Variants in TLCD4 observed in about 807,000 individuals in gnomAD.
The protein encoded by TLCD4 is TLC domain-containing protein 4.
TLCD4 carries 7 observed loss-of-function variants against 24.2 expected under a neutral mutation model. That is an observed-to-expected ratio of 0.29 (90% CI 0.16 to 0.54). The LOEUF is 0.54. Among genes scored for constraint, TLCD4 ranks in the 20% least tolerant of loss-of-function variants. TLCD4 has a pLI of 0.95. For synonymous variants in TLCD4, 103 were observed against 106.4 expected (o/e 0.97, Z 0.20); for missense variants, 259 against 313.9 (o/e 0.82, Z 1.32).
chr1:95,166,336 G>A (rs1678017325), intron 5 of TLCD4, among the ~76,000 whole-genome samples: 1 of 152,130 alleles, frequency 6.6e-6, no homozygotes, highest in Admixed American at 6.5e-5. Context: ...AGTTTAGGTT[G>A]GATGAAATAT....
chr1:95,095,026 C>G, the TLCD4 span, among the ~76,000 whole-genome samples: 1 of 152,154 alleles, frequency 6.6e-6, no homozygotes, highest in African/African-American at 2.4e-5. Context: ...TTATTTGTGC[C>G]TGTATTTCTT....
chr1:95,095,450 T>G, the TLCD4 span, among the ~76,000 whole-genome samples: 1 of 152,136 alleles, frequency 6.6e-6, no homozygotes. Context: ...CAGGCTGGAG[T>G]GCAGTGGCGT....
chr1:95,155,017 G>A (rs974810109), intron 5 of TLCD4, among the ~76,000 whole-genome samples: 8 of 151,782 alleles, frequency 5.3e-5, no homozygotes, highest in Non-Finnish European at 8.8e-5. Flanking sequence ...GTGTAGTGTA[G>A]TGCAGTGCAG....
At chr1:95,157,865 G>A (rs1035217227) in intron 5 of TLCD4, among the ~76,000 whole-genome samples, 8 of 152,174 alleles carry the variant, frequency 5.3e-5, no homozygotes, top group African/African-American at 1.9e-4. Flanking sequence ...TTTATCAAGT[G>A]AGTTGCTAAG....
intron 5 of TLCD4, among the ~76,000 whole-genome samples, chr1:95,159,317 T>A (rs1677717028): frequency 6.6e-6 from 1 of 152,260 alleles, no homozygotes. Context: ...TTTTGAGAAG[T>A]ATCTGTTCAT....
At chr1:95,147,030 G>T (rs190150889) in intron 2 of TLCD4, among the ~76,000 whole-genome samples, 350 of 151,634 alleles carry the variant, frequency 2.3e-3, no homozygotes, top group African/African-American at 8.0e-3. Flanking sequence ...AGAGTGGGCT[G>T]TATGACCATT....
At position 95,192,168 on chromosome 1, in the gene TLCD4, T is replaced by G; in HGVS notation, c.*300T>G. ...AAAAAAAGTAGCTGGGCGTGGTGGT[T>G]GGCGCCTGTAATCCCAGCTACTCGG... On this transcript the variant is annotated 3_prime_UTR_variant, in exon 7 of 7. Transcript: ENST00000370203. 3.4e-6 allele frequency: 1 copy of G among 297,886 alleles called. No homozygotes were observed. The highest frequency in any genetic ancestry group is 5.8e-6 in the Non-Finnish European group (1 of 173,776). The allele number at this position is 297,886 out of a possible 1,614,324, so 18.5% of individuals were successfully genotyped here.
the TLCD4 span, among the ~76,000 whole-genome samples, chr1:95,106,137 G>C: frequency 6.6e-6 from 1 of 152,012 alleles, no homozygotes; most frequent in South Asian, 2.1e-4. Flanking sequence ...TATTGAGAAA[G>C]GCTCAAATTC....
At chr1:95,151,634 T>C (rs560768795) in intron 5 of TLCD4, among the ~76,000 whole-genome samples, 1 of 152,270 alleles carries the variant, frequency 6.6e-6, no homozygotes, top group African/African-American at 2.4e-5. Flanking sequence ...TTTGTATTCA[T>C]AGATTTTGAG....
the TLCD4 span, among the ~76,000 whole-genome samples, chr1:95,102,531 A>T: frequency 4.4e-3 from 666 of 152,284 alleles, 5 homozygotes; most frequent in African/African-American, 0.015. Flanking sequence ...ATCATGAGTT[A>T]TATATTTTAT....
At chr1:95,139,454 G>GTTTTTTTTTT (rs1557681913) in intron 1 of TLCD4, among the ~76,000 whole-genome samples, 2 of 57,476 alleles carry the variant, frequency 3.5e-5, no homozygotes, top group Non-Finnish European at 7.6e-5. Flanking sequence ...TTAAACCTTT[G>GTTTTTTTTTT]ATTTTTTTTT....
chr1:95,113,272 C>G (rs1017183233), upstream of TLCD4, among the ~76,000 whole-genome samples: 14 of 152,068 alleles, frequency 9.2e-5, no homozygotes, highest in African/African-American at 3.4e-4. Flanking sequence ...TCTCAACCTC[C>G]TAACCTCGGG....
At chr1:95,113,218 T>G (rs1311574036), upstream of TLCD4, among the ~76,000 whole-genome samples, 1 of 152,118 alleles carries the variant, frequency 6.6e-6, no homozygotes, top group Non-Finnish European at 1.5e-5. Context: ...ACTTTTCGTA[T>G]TTTTAGTAGA....
intron 6 of TLCD4, among the ~76,000 whole-genome samples, chr1:95,180,668 A>C (rs991984377): frequency 2.0e-5 from 3 of 152,194 alleles, no homozygotes; most frequent in African/African-American, 4.8e-5. Context: ...AAAGTAATTT[A>C]ATGGTGCTAA....
At chr1:95,114,713 C>T (rs984424555), upstream of TLCD4, among the ~76,000 whole-genome samples, 2 of 151,734 alleles carry the variant, frequency 1.3e-5, no homozygotes, top group Non-Finnish European at 2.9e-5. Context: ...GCCTGTGATC[C>T]CAGGTATTCG....
intron 1 of TLCD4, among the ~76,000 whole-genome samples, chr1:95,130,286 G>A (rs940802118): frequency 2.0e-5 from 3 of 147,522 alleles, no homozygotes; most frequent in African/African-American, 7.3e-5. Flanking sequence ...CCGAGCAGCT[G>A]GGACTACAGG....
At chr1:95,161,833 G>C (rs1677819708) in intron 5 of TLCD4, among the ~76,000 whole-genome samples, 2 of 152,206 alleles carry the variant, frequency 1.3e-5, no homozygotes, top group Admixed American at 6.5e-5. Context: ...TCTTAATCCT[G>C]AGTTCTAGTT....
chr1:95,175,163 G>T (rs1678377999), intron 6 of TLCD4, among the ~76,000 whole-genome samples: 1 of 152,104 alleles, frequency 6.6e-6, no homozygotes. Context: ...TTTTCATTTT[G>T]CAAAATTGAA....
chr1:95,117,999 G>T (rs1395356129), intron 1 of TLCD4: 1 of 152,212 alleles, frequency 6.6e-6, no homozygotes. Context: ...GGTGCCTCTC[G>T]GGTCTGAGCT....
Sources: allele counts gnomAD v4.1 joint callset (sites outside exome capture counted in the v4.1 genomes callset), GRCh38; gene constraint gnomAD v4.1.1; transcripts MANE v1.5; gene names NCBI Gene and HGNC (gene_info 2026-07-23, HGNC 2026-07-21).